The following KANK1 variants were observed in gnomAD, a reference collection of about 807,000 sequenced individuals.
The protein encoded by KANK1 is KN motif and ankyrin repeat domain-containing protein 1.
In KANK1, 109 loss-of-function variants were observed where a neutral mutation model predicts 106.2. That is an observed-to-expected ratio of 1.03 (90% CI 0.88 to 1.20). The LOEUF is 1.20. Among genes scored for constraint, KANK1 ranks in the 50% most tolerant of loss-of-function variants. The probability of loss-of-function intolerance (pLI) is 0.00; values close to 1 mark genes in which losing one functional copy is unlikely to be tolerated. For synonymous variants in KANK1, 873 were observed against 652.2 expected, an observed-to-expected ratio of 1.34 and a Z score of -5.16; for missense variants, 2,399 against 1,710.7, an observed-to-expected ratio of 1.40 and a Z score of -7.10.
At chr9:595,029 AAG>A (rs1825871688) in intron 1 of KANK1, among the ~76,000 whole-genome samples, 1 of 152,088 alleles carries the variant, frequency 6.6e-6, no homozygotes, top group South Asian at 2.1e-4. Flanking sequence ...AAAGAAAAAA[AAG>A]AATTTTTAGA....
At chr9:475,287 C>T (rs992671684) in intron 3 of KANK1, among the ~76,000 whole-genome samples, 1 of 152,158 alleles carries the variant, frequency 6.6e-6, no homozygotes, top group African/African-American at 2.4e-5. Flanking sequence ...GTGCATGCTC[C>T]CCTCCCAAAT....
intron 1 of KANK1, among the ~76,000 whole-genome samples, chr9:625,404 T>C (rs1443494970): frequency 6.6e-6 from 1 of 152,204 alleles, no homozygotes; most frequent in African/African-American, 2.4e-5. Flanking sequence ...AAATAAACCT[T>C]GTTTCCAGTT....
At chr9:513,134 C>T (rs1264976986) in intron 1 of KANK1, among the ~76,000 whole-genome samples, 1 of 152,208 alleles carries the variant, frequency 6.6e-6, no homozygotes, top group Non-Finnish European at 1.5e-5. Flanking sequence ...CTTTGTGAGC[C>T]TAGCAGGTGG....
At chr9:734,692 A>C in intron 6 of KANK1, 56 bp from the exon 7 acceptor site, 6 of 1,300,614 alleles carry the variant, frequency 4.6e-6, no homozygotes, top group Non-Finnish European at 5.5e-6. Flanking sequence ...ATTTGGGTTG[A>C]AATAAAAATG....
intron 1 of KANK1, among the ~76,000 whole-genome samples, chr9:594,607 T>C (rs10465090): frequency 0.25 from 38,038 of 151,736 alleles, 5,240 homozygotes; most frequent in East Asian, 0.34. Context: ...AGATTGTTTA[T>C]ATTTTGTAAA....
At chr9:510,402 A>C (rs531049384) in intron 1 of KANK1, among the ~76,000 whole-genome samples, 91 of 152,332 alleles carry the variant, frequency 6.0e-4, no homozygotes, top group African/African-American at 2.1e-3. Context: ...GTTAGGCAAA[A>C]TTCTTACACA....
intron 1 of KANK1, among the ~76,000 whole-genome samples, chr9:629,343 C>G (rs1333660830): frequency 6.6e-6 from 1 of 152,120 alleles, no homozygotes; most frequent in Non-Finnish European, 1.5e-5. Flanking sequence ...ACGAGTCACT[C>G]TCTCTCTTCC....
intron 2 of KANK1, among the ~76,000 whole-genome samples, chr9:678,163 C>G (rs996715914): frequency 1.3e-5 from 2 of 152,178 alleles, no homozygotes; most frequent in African/African-American, 2.4e-5. Context: ...ACTGATCTTT[C>G]CCTGTCCATT....
intron 1 of KANK1, among the ~76,000 whole-genome samples, chr9:623,963 A>G (rs1256476480): frequency 1.3e-5 from 2 of 151,438 alleles, no homozygotes; most frequent in Non-Finnish European, 3.0e-5. Flanking sequence ...AATAGCAAAG[A>G]TATGGAAACA....
intron 7 of KANK1, among the ~76,000 whole-genome samples, chr9:736,631 T>C (rs1833868166): frequency 6.6e-6 from 1 of 151,954 alleles, no homozygotes; most frequent in Non-Finnish European, 1.5e-5. Context: ...GCCCAGGAAG[T>C]TCAGGCTGCA....
chr9:730,502 G>T, intron 4 of KANK1: 1 of 440,914 alleles, frequency 2.3e-6, no homozygotes, highest in South Asian at 2.1e-5. Flanking sequence ...GACCAGCCTG[G>T]CCAACATGGT....
At chr9:614,070 C>T (rs1831213118) in intron 1 of KANK1, among the ~76,000 whole-genome samples, 1 of 152,200 alleles carries the variant, frequency 6.6e-6, no homozygotes, top group African/African-American at 2.4e-5. Flanking sequence ...AGTCGGCCAG[C>T]AGAGTGCTCA....
In KANK1 at chr9:535,519, G is replaced by T. The variant is rs141746928; in HGVS notation, c.-84+30765G>T. Among the ~76,000 whole-genome samples the T allele has an allele frequency of 3.9e-5, 6 of 152,304 alleles. No homozygotes were observed. The South Asian group carries it at 1.2e-3, about 32-fold the overall frequency. On this transcript the variant is annotated intron_variant, in intron 1 of 11. Transcript: ENST00000382297. ...GGTACTATGATCATCTCCAAGTGAC[G>T]TTCAGAGAGGTGGTCTGCCCCAGGT...
chr9:541,296 T>A (rs1351712388), intron 1 of KANK1, among the ~76,000 whole-genome samples: 1 of 152,204 alleles, frequency 6.6e-6, no homozygotes, highest in Non-Finnish European at 1.5e-5. Context: ...GTTGGCTCTT[T>A]GACAAAGTTG....
intron 1 of KANK1, among the ~76,000 whole-genome samples, chr9:514,026 TTGAAA>T: frequency 6.6e-6 from 1 of 151,544 alleles, no homozygotes; most frequent in Admixed American, 6.6e-5. Context: ...CGAACAAAAG[TTGAAA>T]TGAAACATAA....
At chr9:698,784 G>C (rs1821932373) in intron 2 of KANK1, among the ~76,000 whole-genome samples, 1 of 152,116 alleles carries the variant, frequency 6.6e-6, no homozygotes, top group Admixed American at 6.6e-5. Flanking sequence ...AAAATTCATG[G>C]GGACTTGAAT....
chr9:676,155 C>G lies in KANK1; in HGVS notation c.-83-735C>G, dbSNP rs374561706. Among the ~76,000 whole-genome samples, 66 of 152,278 alleles carry G rather than the reference C, an allele frequency of 4.3e-4. No individual in the cohort carries two copies. In the South Asian group the frequency reaches 0.013, roughly 29 times the overall value. On this transcript the variant is annotated intron_variant, in intron 1 of 11. Transcript: ENST00000382297. Reference sequence around the variant, plus strand: ...TCAGCAAGGTCTTTGTGACCTGTATCTTGTGCTGACCTGTCTCATCCTGTG... The same window carrying G: ...TCAGCAAGGTCTTTGTGACCTGTATGTTGTGCTGACCTGTCTCATCCTGTG...
chr9:725,129 G>A (rs1054014983), intron 3 of KANK1, among the ~76,000 whole-genome samples: 5 of 152,164 alleles, frequency 3.3e-5, no homozygotes, highest in Admixed American at 2.6e-4. Flanking sequence ...AAAGCATTGT[G>A]CTGTTGATTT....
At chr9:695,966 C>G (rs1297091760) in intron 2 of KANK1, among the ~76,000 whole-genome samples, 2 of 152,042 alleles carry the variant, frequency 1.3e-5, no homozygotes, top group Admixed American at 1.3e-4. Flanking sequence ...GGGCCATGTA[C>G]CAAGCGCCAA....
Sources: allele counts gnomAD v4.1 joint callset (sites outside exome capture counted in the v4.1 genomes callset), GRCh38; gene constraint gnomAD v4.1.1; transcripts MANE v1.5; gene names NCBI Gene and HGNC (gene_info 2026-07-23, HGNC 2026-07-21).